HMCN1: variants seen among roughly 807,000 people sequenced by gnomAD.
HMCN1 encodes the protein hemicentin-1.
HMCN1 carries 321 observed loss-of-function variants against 625.9 expected under a neutral mutation model. The observed-to-expected ratio is 0.51, with a 90% CI of 0.47 to 0.56. HMCN1 has a LOEUF of 0.56. HMCN1 is among the 20% of genes least tolerant of loss of function. The pLI is 0.00. For synonymous variants in HMCN1, 2,425 were observed against 2,417.6 expected (o/e 1.00, Z -0.09); for missense variants, 6,588 against 6,887.3 (o/e 0.96, Z 1.54).
intron 4 of HMCN1, among the ~76,000 whole-genome samples, chr1:185,900,042 T>C (rs1665711428): frequency 6.6e-6 from 1 of 151,986 alleles, no homozygotes; most frequent in South Asian, 2.1e-4. Context: ...TCTCCTCTCT[T>C]CCTCAACATG....
intron 20 of HMCN1, among the ~76,000 whole-genome samples, chr1:185,988,854 A>G (rs1392599769): frequency 6.6e-6 from 1 of 152,146 alleles, no homozygotes; most frequent in African/African-American, 2.4e-5. Flanking sequence ...GTGAGTGTTA[A>G]AATTGTTAAT....
chr1:185,952,539 C>T lies in HMCN1; in HGVS notation c.1829-9979C>T, dbSNP rs375974358. Among the ~76,000 whole-genome samples the T allele has an allele frequency of 2.9e-4, 44 of 151,886 alleles. 1 individual carries two copies. Among genetic ancestry groups the T allele is most frequent in the African/African-American group, 1.0e-3 (43 of 41,268 alleles). ...TAAAAGAATGCCTGGACGTCAGGCA[C>T]CTCAGACCATTTGCCCATTTTATGA... is the stretch of plus-strand genomic sequence containing the variant. On this transcript the variant is annotated intron_variant, in intron 11 of 106. Transcript: ENST00000271588.
chr1:185,960,856 C>A (rs1649969345), intron 11 of HMCN1, among the ~76,000 whole-genome samples: 1 of 152,074 alleles, frequency 6.6e-6, no homozygotes, highest in Non-Finnish European at 1.5e-5. Context: ...TTTTTTCCCA[C>A]TTATCCCCTG....
chr1:186,012,025 T>C lies in HMCN1; in HGVS notation c.4631-3134T>C, dbSNP rs557724823. ...CTGTGTGGTAAGGCCAGTCAGGATA[T>C]TCAGTTTGACTTCTGACAAAAAGTC... On this transcript the variant is annotated intron_variant, in intron 30 of 106. Coordinates refer to ENST00000271588, the MANE Select transcript of HMCN1 (RefSeq NM_031935.3). Among the ~76,000 whole-genome samples, 12 of 152,284 alleles carry C rather than the reference T, an allele frequency of 7.9e-5. No homozygotes were observed. The South Asian group carries it at 2.3e-3, about 29-fold the overall frequency.
chr1:185,908,038 GA>G (rs1001437499), intron 4 of HMCN1, among the ~76,000 whole-genome samples: 7 of 149,560 alleles, frequency 4.7e-5, no homozygotes, highest in East Asian at 2.0e-4. Context: ...GAATTTTTAT[GA>G]AAAAAAAATA....
intron 48 of HMCN1, among the ~76,000 whole-genome samples, chr1:186,062,861 C>A (rs1043599004): frequency 6.6e-6 from 1 of 151,366 alleles, no homozygotes; most frequent in African/African-American, 2.4e-5. Context: ...TATTATTTCA[C>A]TCTCTATGTC....
intron 4 of HMCN1, among the ~76,000 whole-genome samples, chr1:185,886,666 A>G (rs1184641804): frequency 1.3e-5 from 2 of 152,100 alleles, no homozygotes; most frequent in African/African-American, 4.8e-5. Context: ...AAGATATATT[A>G]TGGAAAATTT....
In HMCN1 at chr1:186,153,995, G is replaced by C. The variant is rs1650834059; in HGVS notation, c.15256+8G>C. On this transcript the variant is annotated splice_region_variant and intron_variant, in intron 97 of 106. Transcript: ENST00000271588. ...ATGCTTCAATATCCAAAGGTAATTT[G>C]ATAAAAGAAAATCCATATCTTTATG... is the stretch of plus-strand genomic sequence containing the variant. 3.1e-6 allele frequency: 5 copies of C among 1,603,956 alleles called. No individual in the cohort carries two copies. The highest frequency in any genetic ancestry group is 4.3e-6 in the Non-Finnish European group (5 of 1,171,004).
chr1:185,996,838 G>T (rs1652825609), intron 24 of HMCN1, among the ~76,000 whole-genome samples: 2 of 152,100 alleles, frequency 1.3e-5, no homozygotes, highest in East Asian at 1.9e-4. Flanking sequence ...CTGACAGGGG[G>T]CACTTAGGAA....
intron 15 of HMCN1, among the ~76,000 whole-genome samples, chr1:185,972,130 C>T (rs948627040): frequency 5.3e-5 from 8 of 152,164 alleles, no homozygotes; most frequent in South Asian, 2.1e-4. Context: ...TACCTCCTTC[C>T]GGCACAGATA....
chr1:186,076,681 A>G, intron 54 of HMCN1, 59 bp downstream of exon 54: 1 of 1,521,496 alleles, frequency 6.6e-7, no homozygotes. Flanking sequence ...GTTTCCTCTC[A>G]TGTATTAGAC....
chr1:185,979,891 T>A (rs1651496156), intron 16 of HMCN1, among the ~76,000 whole-genome samples: 1 of 152,078 alleles, frequency 6.6e-6, no homozygotes, highest in Non-Finnish European at 1.5e-5. Flanking sequence ...ATTCCCCTAT[T>A]TAAAATCCTC....
chr1:185,812,299 G>A (rs1315002789), intron 1 of HMCN1, among the ~76,000 whole-genome samples: 1 of 151,912 alleles, frequency 6.6e-6, no homozygotes, highest in East Asian at 1.9e-4. Context: ...ATTGAGAAAT[G>A]TAACACATTC....
chr1:185,910,007 T>G lies in HMCN1; in HGVS notation c.793+499T>G, dbSNP rs142128069. ...ACTTTTAATAATTCACTTTGCCTCT[T>G]AAGTATATTTTATAACCATATGATT... On this transcript the variant is annotated intron_variant, in intron 5 of 106. Coordinates refer to ENST00000271588, the MANE Select transcript of HMCN1 (RefSeq NM_031935.3). 1.9e-3 allele frequency among the ~76,000 whole-genome samples: 296 copies of G among 152,274 alleles called. 1 individual carries two copies. The highest frequency in any genetic ancestry group is 3.2e-3 in the Non-Finnish European group (219 of 67,998).
intron 75 of HMCN1, among the ~76,000 whole-genome samples, chr1:186,116,009 T>G (rs1482806364): frequency 6.6e-6 from 1 of 152,182 alleles, no homozygotes; most frequent in Non-Finnish European, 1.5e-5. Context: ...AGATTATTAC[T>G]CTGTCAAACA....
intron 13 of HMCN1, among the ~76,000 whole-genome samples, chr1:185,964,168 T>C (rs1230848521): frequency 6.6e-6 from 1 of 152,162 alleles, no homozygotes; most frequent in Non-Finnish European, 1.5e-5. Flanking sequence ...CCACTGTTCA[T>C]CTGTTCTCTG....
chr1:185,865,379 C>T (rs1663113337), intron 3 of HMCN1, among the ~76,000 whole-genome samples: 1 of 152,132 alleles, frequency 6.6e-6, no homozygotes, highest in Admixed American at 6.5e-5. Flanking sequence ...ATAAGCTCTA[C>T]CTCTTTTATA....
At chr1:186,159,206 G>C (rs1023328456) in intron 97 of HMCN1, among the ~76,000 whole-genome samples, 15 of 152,278 alleles carry the variant, frequency 9.9e-5, no homozygotes, top group Middle Eastern at 3.4e-3. Flanking sequence ...GTGAATGGGA[G>C]TTCACTCATG....
intron 64 of HMCN1, among the ~76,000 whole-genome samples, chr1:186,092,630 G>T (rs954082681): frequency 7.1e-6 from 1 of 141,612 alleles, no homozygotes; most frequent in Non-Finnish European, 1.5e-5. Flanking sequence ...TAATTCAAAA[G>T]AAAAGCTTTA....
Sources: allele counts gnomAD v4.1 joint callset (sites outside exome capture counted in the v4.1 genomes callset), GRCh38; gene constraint gnomAD v4.1.1; transcripts MANE v1.5; gene names NCBI Gene and HGNC (gene_info 2026-07-23, HGNC 2026-07-21).